The following FRMD3 variants were observed in gnomAD, a reference collection of about 807,000 sequenced individuals.
FRMD3 encodes FERM domain-containing protein 3.
A neutral mutation model predicts 70.2 loss-of-function variants in FRMD3; 33 were observed. That is an observed-to-expected ratio of 0.47 (90% CI 0.36 to 0.63). The LOEUF is 0.63. Among genes scored for constraint, FRMD3 ranks in the 20% least tolerant of loss-of-function variants. The probability of loss-of-function intolerance (pLI) is 0.00; values close to 1 mark genes in which losing one functional copy is unlikely to be tolerated. For synonymous variants in FRMD3, 279 were observed against 255.9 expected (o/e 1.09, Z -0.86); for missense variants, 632 against 711.4 (o/e 0.89, Z 1.27).
intron 1 of FRMD3, among the ~76,000 whole-genome samples, chr9:83,482,253 C>T (rs1399570715): frequency 2.6e-5 from 4 of 152,146 alleles, no homozygotes; most frequent in Non-Finnish European, 5.9e-5. Context: ...TGCTCAATTC[C>T]CTACCAGATG....
chr9:83,560,083 C>T, the FRMD3 span, among the ~76,000 whole-genome samples: 2 of 152,174 alleles, frequency 1.3e-5, 1 homozygote, highest in African/African-American at 4.8e-5. Flanking sequence ...CACCAAAATA[C>T]ATTATCCTCT....
chr9:83,495,560 T>C (rs139171653), intron 1 of FRMD3, among the ~76,000 whole-genome samples: 337 of 152,344 alleles, frequency 2.2e-3, no homozygotes, highest in African/African-American at 7.9e-3. Flanking sequence ...AGTTATTACG[T>C]ATTATTTCAA....
rs1265586332 is a variant in FRMD3, at chr9:83,356,581, C to CT, written c.296-6825dup. Among the ~76,000 whole-genome samples, 720 of 145,528 alleles carry CT rather than the reference C, an allele frequency of 4.9e-3. 4 individuals are homozygous for CT. The highest frequency in any genetic ancestry group is 0.016 in the African/African-American group (627 of 39,972). ...GTGAGCCACCGCGCCCGGCCAGCAG[C>CT]TTTTTTTTTTTCTTAAAACCAAACG... On this transcript the variant is annotated intron_variant, in intron 3 of 13. Transcript: ENST00000304195.
chr9:83,308,507 G>T (rs1428366221), intron 10 of FRMD3, among the ~76,000 whole-genome samples: 1 of 152,100 alleles, frequency 6.6e-6, no homozygotes, highest in East Asian at 1.9e-4. Context: ...AAGGGGCAGG[G>T]GGACTGATCA....
chr9:83,252,710 G>A (rs1228171734), intron 13 of FRMD3, among the ~76,000 whole-genome samples: 1 of 151,918 alleles, frequency 6.6e-6, no homozygotes, highest in Non-Finnish European at 1.5e-5. Context: ...AAAAAGCAGG[G>A]GTTGCAATCC....
At position 83,538,329 on chromosome 9, in the gene FRMD3, G is replaced by A. The variant is rs1164856413; in HGVS notation, c.-98C>T. On this transcript the variant is annotated 5_prime_UTR_variant, in exon 1 of 14. Transcript: ENST00000304195. The surrounding 1 kb of genome is among the most constrained non-coding windows in gnomAD (Gnocchi z 4.7). ...CGCACGCACTGTCCGGGACACCTGGGCGCGGCTCAGCCCCGGGACATCGGC... is the reference window on the plus strand; with the variant it reads ...CGCACGCACTGTCCGGGACACCTGGACGCGGCTCAGCCCCGGGACATCGGC... The A allele has an allele frequency of 7.5e-6, 9 of 1,194,590 alleles. No individual in the cohort carries two copies. The highest frequency in any genetic ancestry group is 3.2e-5 in the Admixed American group (1 of 31,128). 74.0% of individuals were successfully genotyped at this position (1,194,590 alleles called of 1,614,324 possible).
intron 7 of FRMD3, among the ~76,000 whole-genome samples, chr9:83,312,736 C>A (rs957541447): frequency 3.3e-5 from 5 of 152,062 alleles, no homozygotes; most frequent in African/African-American, 1.2e-4. Flanking sequence ...GGTCGCCGCA[C>A]CCACCACTCC....
chr9:83,568,939 G>GATAC, the FRMD3 span, among the ~76,000 whole-genome samples: 7 of 122,372 alleles, frequency 5.7e-5, no homozygotes, highest in Non-Finnish European at 1.1e-4. Flanking sequence ...TAGATAGATA[G>GATAC]ATAGATAGAT....
intron 1 of FRMD3, among the ~76,000 whole-genome samples, chr9:83,404,445 TTATTTC>T (rs1286967813): frequency 6.6e-6 from 1 of 152,210 alleles, no homozygotes; most frequent in African/African-American, 2.4e-5. Flanking sequence ...TACCAGCTCT[TTATTTC>T]TAAAGAACAT....
chr9:83,389,530 G>T, intron 2 of FRMD3, 74 bp downstream of exon 2: 1 of 962,778 alleles, frequency 1.0e-6, no homozygotes, highest in Non-Finnish European at 1.7e-6. Context: ...CTAGGGCTTT[G>T]AGAGGAACCC....
intron 1 of FRMD3, among the ~76,000 whole-genome samples, chr9:83,480,904 C>T (rs1364148042): frequency 2.0e-5 from 3 of 152,140 alleles, no homozygotes; most frequent in African/African-American, 7.2e-5. Context: ...ACGAATCTGC[C>T]ACAGATGCTG....
At chr9:83,378,981 G>T (rs1452823746) in intron 2 of FRMD3, among the ~76,000 whole-genome samples, 1 of 150,506 alleles carries the variant, frequency 6.6e-6, no homozygotes. Context: ...ACCTGCCTCA[G>T]CCTCTCAAAG....
At chr9:83,488,823 T>C (rs182446550) in intron 1 of FRMD3, among the ~76,000 whole-genome samples, 51 of 152,238 alleles carry the variant, frequency 3.4e-4, no homozygotes, top group Admixed American at 9.2e-4. Context: ...ATAAATGACT[T>C]TAGACATTGT....
the FRMD3 span, among the ~76,000 whole-genome samples, chr9:83,554,058 A>G: frequency 6.6e-6 from 1 of 152,158 alleles, no homozygotes; most frequent in African/African-American, 2.4e-5. Flanking sequence ...CACTGGGCCA[A>G]GGTTTTGCGT....
At chr9:83,513,692 G>C (rs1478264375) in intron 1 of FRMD3, among the ~76,000 whole-genome samples, 1 of 152,134 alleles carries the variant, frequency 6.6e-6, no homozygotes, top group African/African-American at 2.4e-5. Flanking sequence ...AATAGGAACA[G>C]CTCCGGTCTG....
Position 83,345,589 on chromosome 9 carries a change from C to G in FRMD3, c.375-2302G>C, listed in dbSNP as rs139763168. Among the ~76,000 whole-genome samples the G allele has an allele frequency of 6.4e-4, 97 of 152,060 alleles. No homozygotes were observed. The East Asian group carries it at 0.016, about 25-fold the overall frequency. On this transcript the variant is annotated intron_variant, in intron 4 of 13. Transcript: ENST00000304195. ...TGGCTAACATGGTGAAACCTCGTCT[C>G]TACTAAAAATACAAAAAATTAGTCG...
chr9:83,294,008 A>G (rs1277797340), intron 12 of FRMD3, among the ~76,000 whole-genome samples: 1 of 152,206 alleles, frequency 6.6e-6, no homozygotes, highest in Non-Finnish European at 1.5e-5. Flanking sequence ...AAAAAACAAC[A>G]GGCCAAGTCT....
chr9:83,505,898 C>T (rs1370889044), intron 1 of FRMD3, among the ~76,000 whole-genome samples: 1 of 152,156 alleles, frequency 6.6e-6, no homozygotes, highest in Non-Finnish European at 1.5e-5. Context: ...TCTTGAGAGT[C>T]CAGAGGCCCC....
the FRMD3 span, among the ~76,000 whole-genome samples, chr9:83,550,520 G>A: frequency 1.3e-4 from 20 of 152,144 alleles, no homozygotes; most frequent in African/African-American, 4.6e-4. Flanking sequence ...TATTAAATCT[G>A]TAAATTGCTT....
Sources: allele counts gnomAD v4.1 joint callset (sites outside exome capture counted in the v4.1 genomes callset), GRCh38; gene constraint gnomAD v4.1.1; non-coding constraint Gnocchi (gnomAD v3.1); transcripts MANE v1.5; gene names NCBI Gene and HGNC (gene_info 2026-07-23, HGNC 2026-07-21).